AOPEP: variants seen among roughly 807,000 people sequenced by gnomAD.
AOPEP encodes aminopeptidase O (putative).
AOPEP carries 77 observed loss-of-function variants against 98.1 expected under a neutral mutation model. The ratio of observed to expected loss-of-function variants is 0.78; its 90% CI spans 0.65 to 0.95. AOPEP has a LOEUF of 0.95. Ranked by LOEUF, AOPEP falls within the 40% of genes least tolerant of loss-of-function variation. AOPEP has a pLI of 0.00. For missense variants in AOPEP, 1,024 were observed against 1,024.7 expected (o/e 1.00, Z 0.01); for synonymous variants, 346 against 365.3 (o/e 0.95, Z 0.60).
chr9:94,780,258 C>CTG (rs2133116371), intron 3 of AOPEP, among the ~76,000 whole-genome samples: 1 of 152,276 alleles, frequency 6.6e-6, no homozygotes, highest in African/African-American at 2.4e-5. Context: ...ATCTGTCTGT[C>CTG]TGTTGTTGTG....
intron 13 of AOPEP, among the ~76,000 whole-genome samples, chr9:95,054,673 G>A (rs2066672255): frequency 6.6e-6 from 1 of 152,178 alleles, no homozygotes; most frequent in Non-Finnish European, 1.5e-5. Context: ...CTCAAAGTTT[G>A]TAGTAATCTT....
chr9:94,868,420 A>C (rs992614757), intron 5 of AOPEP, among the ~76,000 whole-genome samples: 2 of 152,168 alleles, frequency 1.3e-5, no homozygotes, highest in Non-Finnish European at 1.5e-5. Context: ...CCTTGTACTC[A>C]CTTTGAGTCT....
rs1309550843 is a variant in AOPEP, at chr9:95,023,461, C to T, written c.2115+17845C>T. On this transcript the variant is annotated intron_variant, in intron 13 of 16. Transcript: ENST00000375315. Reference sequence around the variant, plus strand: ...AGACCCAGGAAGCTGCCCCATGGGGCCACTCTGCCCTAGTCAAATACTGCC... The same window carrying T: ...AGACCCAGGAAGCTGCCCCATGGGGTCACTCTGCCCTAGTCAAATACTGCC... Among the ~76,000 whole-genome samples the T allele has an allele frequency of 4.6e-5, 7 of 152,174 alleles. No individual in the cohort carries two copies. The East Asian group carries it at 9.6e-4, about 21-fold the overall frequency.
chr9:95,088,528 G>C (rs1002794993), downstream of AOPEP, among the ~76,000 whole-genome samples: 3 of 124,272 alleles, frequency 2.4e-5, no homozygotes, highest in Non-Finnish European at 5.4e-5. Context: ...CTCTCTCTCT[G>C]CGCTTTCTAA....
At chr9:94,729,862 A>AG (rs1393041602) in intron 1 of AOPEP, among the ~76,000 whole-genome samples, 4 of 152,196 alleles carry the variant, frequency 2.6e-5, no homozygotes, top group African/African-American at 9.7e-5. Context: ...GTTAAAGCTA[A>AG]GGGACTGGAG....
chr9:94,896,520 T>C (rs2049586001), intron 5 of AOPEP, among the ~76,000 whole-genome samples: 1 of 152,114 alleles, frequency 6.6e-6, no homozygotes, highest in Non-Finnish European at 1.5e-5. Context: ...TTCTGCGGGG[T>C]GATCAAGGTT....
intron 5 of AOPEP, among the ~76,000 whole-genome samples, chr9:94,898,414 T>C (rs1193883732): frequency 7.1e-6 from 1 of 140,174 alleles, no homozygotes. Flanking sequence ...AGGTCAGGAG[T>C]TCGAGACCAG....
intron 5 of AOPEP, among the ~76,000 whole-genome samples, chr9:94,802,841 G>A (rs1848473744): frequency 6.6e-6 from 1 of 152,156 alleles, no homozygotes; most frequent in South Asian, 2.1e-4. Context: ...GCTGTGGAAG[G>A]GGGATTGTGG....
At chr9:94,862,437 C>A (rs1033215707) in intron 5 of AOPEP, among the ~76,000 whole-genome samples, 2 of 152,132 alleles carry the variant, frequency 1.3e-5, no homozygotes, top group Non-Finnish European at 2.9e-5. Context: ...GGCTGAGAAA[C>A]CATGTCCTGA....
chr9:94,768,350 A>C (rs1209858739), intron 2 of AOPEP, among the ~76,000 whole-genome samples: 3 of 151,496 alleles, frequency 2.0e-5, no homozygotes, highest in African/African-American at 7.3e-5. Flanking sequence ...ATTTTTAAAC[A>C]AAAAAAAACC....
intron 5 of AOPEP, among the ~76,000 whole-genome samples, chr9:94,901,143 G>A (rs1461287610): frequency 6.6e-6 from 1 of 152,110 alleles, no homozygotes; most frequent in Non-Finnish European, 1.5e-5. Flanking sequence ...CAATTAGAAT[G>A]TGTTACTGTC....
At chr9:95,059,795 G>T (rs994278573) in intron 13 of AOPEP, among the ~76,000 whole-genome samples, 1 of 152,140 alleles carries the variant, frequency 6.6e-6, no homozygotes, top group African/African-American at 2.4e-5. Context: ...GGAATTCATA[G>T]GATTAATTTT....
intron 10 of AOPEP, among the ~76,000 whole-genome samples, chr9:94,976,367 AT>A (rs1323026339): frequency 6.6e-6 from 1 of 152,056 alleles, no homozygotes; most frequent in African/African-American, 2.4e-5. Flanking sequence ...GTAAGTGAAA[AT>A]TCCCCAAAGG....
Position 94,737,187 on chromosome 9 carries a change from G to T in AOPEP, c.-136+10436G>T, listed in dbSNP as rs544807679. Among the ~76,000 whole-genome samples, 3 of 152,022 alleles carry T rather than the reference G, an allele frequency of 2.0e-5. No homozygotes were observed. The South Asian group carries it at 6.2e-4, about 32-fold the overall frequency. On this transcript the variant is annotated intron_variant, in intron 1 of 16. Transcript: ENST00000375315. ...CTTTGCTATCCCAGCTGGAGTGCAG[G>T]CTCAAACTCCTGGGCTCAAGCGATC...
At chr9:94,855,808 T>C (rs912853673) in intron 5 of AOPEP, among the ~76,000 whole-genome samples, 9 of 152,140 alleles carry the variant, frequency 5.9e-5, no homozygotes, top group African/African-American at 1.9e-4. Flanking sequence ...GACCTAGAAA[T>C]AGAGAAAATA....
intron 5 of AOPEP, among the ~76,000 whole-genome samples, chr9:94,815,725 C>CT (rs1851570745): frequency 6.6e-6 from 1 of 152,104 alleles, no homozygotes; most frequent in Non-Finnish European, 1.5e-5. Flanking sequence ...GCTGTTAGGC[C>CT]TTTTTGGTCC....
intron 13 of AOPEP, among the ~76,000 whole-genome samples, chr9:95,020,616 A>G (rs933682877): frequency 2.0e-5 from 3 of 151,768 alleles, no homozygotes; most frequent in Non-Finnish European, 2.9e-5. Flanking sequence ...TATTATTTAA[A>G]AAAAAAAAAA....
intron 5 of AOPEP, among the ~76,000 whole-genome samples, chr9:94,870,899 A>G (rs2046267162): frequency 6.6e-6 from 1 of 152,214 alleles, no homozygotes; most frequent in Non-Finnish European, 1.5e-5. Flanking sequence ...GCTGGCCTTC[A>G]TAAGGGTGTT....
chr9:95,025,713 A>C (rs989046019), intron 13 of AOPEP, among the ~76,000 whole-genome samples: 4 of 152,214 alleles, frequency 2.6e-5, no homozygotes, highest in African/African-American at 7.2e-5. Context: ...GTAAGGTTTT[A>C]GGTTACATGA....
Sources: allele counts gnomAD v4.1 joint callset (sites outside exome capture counted in the v4.1 genomes callset), GRCh38; gene constraint gnomAD v4.1.1; transcripts MANE v1.5; gene names NCBI Gene and HGNC (gene_info 2026-07-23, HGNC 2026-07-21).